Variants in LRP12 observed in about 807,000 individuals in gnomAD.
The protein encoded by LRP12 is low-density lipoprotein receptor-related protein 12.
In LRP12, 14 loss-of-function variants were observed where a neutral mutation model predicts 66.0. That is an observed-to-expected ratio of 0.21 (90% CI 0.14 to 0.33). LRP12 has a LOEUF of 0.33. LRP12 is among the 10% of genes least tolerant of loss of function. The pLI, the probability that LRP12 is intolerant of heterozygous loss-of-function variation, is 1.00. For synonymous variants in LRP12, 357 were observed against 359.1 expected (o/e 0.99, Z 0.07); for missense variants, 889 against 1,053.4 (o/e 0.84, Z 2.16).
intron 1 of LRP12, among the ~76,000 whole-genome samples, chr8:104,580,367 A>T (rs554042888): frequency 4.7e-4 from 71 of 151,248 alleles, no homozygotes; most frequent in Admixed American, 9.2e-4. Context: ...ATAAAAAAAA[A>T]AAAAAAAAAA....
intron 1 of LRP12, among the ~76,000 whole-genome samples, chr8:104,535,687 T>A (rs953475273): frequency 2.0e-5 from 3 of 151,432 alleles, no homozygotes; most frequent in Admixed American, 2.0e-4. Flanking sequence ...AGTTTGGTAA[T>A]TTTTTTTTCC....
At chr8:104,496,901 C>T (rs1810737320) in intron 5 of LRP12, 71 bp downstream of exon 5, 1 of 1,374,278 alleles carries the variant, frequency 7.3e-7, no homozygotes, top group African/African-American at 1.5e-5. Context: ...CATTGCTAAT[C>T]ATCAAAGAAC....
intron 1 of LRP12, among the ~76,000 whole-genome samples, chr8:104,569,902 G>T (rs1812053287): frequency 6.6e-6 from 1 of 150,970 alleles, no homozygotes; most frequent in Non-Finnish European, 1.5e-5. Flanking sequence ...TAATTATGCA[G>T]AAAATTTGAG....
intron 1 of LRP12, among the ~76,000 whole-genome samples, chr8:104,585,840 T>C (rs1295027771): frequency 1.3e-5 from 2 of 152,216 alleles, no homozygotes; most frequent in Non-Finnish European, 2.9e-5. Flanking sequence ...ACTGTCAGAA[T>C]TACCAAATTG....
chr8:104,500,680 G>A (rs578039474), intron 3 of LRP12, among the ~76,000 whole-genome samples: 1 of 152,330 alleles, frequency 6.6e-6, no homozygotes, highest in Admixed American at 6.5e-5. Flanking sequence ...TCCAACCTGG[G>A]CAACAGAGTG....
intron 1 of LRP12, 46 bp from the exon 2 acceptor site, chr8:104,532,009 C>T (rs760000734): frequency 7.5e-7 from 1 of 1,329,322 alleles, no homozygotes; most frequent in Non-Finnish European, 1.0e-6. Flanking sequence ...GATAAAATTA[C>T]AAAATTTTTT....
In LRP12 at chr8:104,530,946, C is replaced by T. The variant is rs565483038; in HGVS notation, c.136+961G>A. ...ATTGATGCAGGCACTGAAGCACTTG[C>T]TTTGCGTTTTCAGGAAACTAGGCTT... is the stretch of plus-strand genomic sequence containing the variant. On this transcript the variant is annotated intron_variant, in intron 2 of 6. Coordinates refer to ENST00000276654, the MANE Select transcript of LRP12 (RefSeq NM_013437.5). 1.5e-3 allele frequency among the ~76,000 whole-genome samples: 223 copies of T among 152,002 alleles called. 1 individual carries two copies. The highest frequency in any genetic ancestry group is 2.7e-3 in the Non-Finnish European group (181 of 67,990).
chr8:104,586,015 G>A (rs1417505011), intron 1 of LRP12, among the ~76,000 whole-genome samples: 2 of 152,186 alleles, frequency 1.3e-5, no homozygotes, highest in Non-Finnish European at 2.9e-5. Flanking sequence ...GCTTGTGGTT[G>A]TCACCACTGA....
chr8:104,545,620 A>G (rs2140873659), intron 1 of LRP12, among the ~76,000 whole-genome samples: 1 of 152,348 alleles, frequency 6.6e-6, no homozygotes, highest in Non-Finnish European at 1.5e-5. Flanking sequence ...TTAAAGGCTC[A>G]GATGATCATT....
chr8:104,518,918 T>A (rs547454818), intron 2 of LRP12, among the ~76,000 whole-genome samples: 16 of 152,108 alleles, frequency 1.1e-4, no homozygotes, highest in African/African-American at 3.9e-4. Flanking sequence ...ATGGACAGTC[T>A]GGAAAGCATG....
At chr8:104,540,729 C>T (rs1811463477) in intron 1 of LRP12, among the ~76,000 whole-genome samples, 1 of 151,930 alleles carries the variant, frequency 6.6e-6, no homozygotes, top group Admixed American at 6.6e-5. Context: ...AATTTTTAAA[C>T]CCCATTCTTT....
At position 104,547,618 on chromosome 8, in the gene LRP12, T is replaced by G. The variant is rs557383415; in HGVS notation, c.80-15655A>C. Among the ~76,000 whole-genome samples the G allele has an allele frequency of 6.3e-3, 788 of 125,896 alleles. 10 individuals carry two copies. The highest frequency in any genetic ancestry group is 0.013 in the Admixed American group (149 of 11,394). 82.6% of individuals were successfully genotyped at this position (125,896 alleles called of 152,430 possible). A position where few individuals can be genotyped will look rare whatever the true frequency, so the allele number is the denominator to read the frequency against. Reference sequence around the variant, plus strand: ...ATATAATAATTATTAATATATAATATATTAATATATAATAAATATATATTA... The same window carrying G: ...ATATAATAATTATTAATATATAATAGATTAATATATAATAAATATATATTA... On this transcript the variant is annotated intron_variant, in intron 1 of 6. Coordinates refer to ENST00000276654, the MANE Select transcript of LRP12 (RefSeq NM_013437.5).
At chr8:104,511,812 C>T (rs1811003407) in intron 2 of LRP12, among the ~76,000 whole-genome samples, 1 of 152,090 alleles carries the variant, frequency 6.6e-6, no homozygotes, top group African/African-American at 2.4e-5. Flanking sequence ...TGTTTTGAAT[C>T]GCTTTCAGAA....
In LRP12 at chr8:104,589,169, C is replaced by G. The variant is rs373195435; in HGVS notation, c.-272G>C. The G allele has an allele frequency of 1.7e-5, 3 of 177,142 alleles. No individual in the cohort carries two copies. The highest frequency in any genetic ancestry group is 7.1e-5 in the African/African-American group (3 of 42,270). 11.0% of individuals were successfully genotyped at this position (177,142 alleles called of 1,614,324 possible). A position where few individuals can be genotyped will look rare whatever the true frequency, so the allele number is the denominator to read the frequency against. On this transcript the variant is annotated 5_prime_UTR_variant, in exon 1 of 7. Coordinates refer to ENST00000276654, the MANE Select transcript of LRP12 (RefSeq NM_013437.5). Reference sequence around the variant, plus strand: ...CCCTCCTGGGGGCAAGGGCAAGGAGCTCGCGCGCCAGCGCGAGACGAGAGG... The same window carrying G: ...CCCTCCTGGGGGCAAGGGCAAGGAGGTCGCGCGCCAGCGCGAGACGAGAGG...
chr8:104,561,299 C>T (rs572851752), intron 1 of LRP12, among the ~76,000 whole-genome samples: 6 of 152,156 alleles, frequency 3.9e-5, no homozygotes, highest in African/African-American at 7.2e-5. Context: ...ATGTTTCATA[C>T]GTATGACAGA....
chr8:104,492,104 T>C (rs980755665), intron 6 of LRP12, among the ~76,000 whole-genome samples: 1 of 152,068 alleles, frequency 6.6e-6, no homozygotes, highest in Non-Finnish European at 1.5e-5. Context: ...TTAATTATAT[T>C]GTCACAAATA....
intron 1 of LRP12, among the ~76,000 whole-genome samples, chr8:104,588,601 C>G (rs1461715768): frequency 1.3e-5 from 2 of 152,152 alleles, no homozygotes; most frequent in Non-Finnish European, 2.9e-5. Context: ...CCCCCAGCCC[C>G]TCTCCACCAC....
intron 1 of LRP12, among the ~76,000 whole-genome samples, chr8:104,558,277 G>C (rs1384235916): frequency 6.6e-6 from 1 of 151,390 alleles, no homozygotes; most frequent in Non-Finnish European, 1.5e-5. Context: ...GAACACAATA[G>C]AGAACCCAGA....
At chr8:104,559,931 A>G (rs972687388) in intron 1 of LRP12, among the ~76,000 whole-genome samples, 1 of 152,192 alleles carries the variant, frequency 6.6e-6, no homozygotes, top group African/African-American at 2.4e-5. Context: ...TAATTTACTT[A>G]GTTATTAGAA....
Sources: gnomAD v4.1 joint callset for allele counts (sites outside exome capture counted in the v4.1 genomes callset) on GRCh38, gnomAD v4.1.1 for gene constraint, MANE v1.5 for transcripts, NCBI Gene and HGNC (gene_info 2026-07-23, HGNC 2026-07-21) for gene names.